Variants in BTBD3 observed in about 807,000 individuals in gnomAD.
BTBD3 encodes the protein BTB/POZ domain-containing protein 3.
A neutral mutation model predicts 41.6 loss-of-function variants in BTBD3; 14 were observed. That is an observed-to-expected ratio of 0.34 (90% CI 0.22 to 0.53). The LOEUF is 0.53. Among genes scored for constraint, BTBD3 ranks in the 20% least tolerant of loss-of-function variants. The probability of loss-of-function intolerance (pLI) is 0.95; values close to 1 mark genes in which losing one functional copy is unlikely to be tolerated. For synonymous variants in BTBD3, 249 were observed against 233.7 expected, an observed-to-expected ratio of 1.07 and a Z score of -0.60; for missense variants, 426 against 654.7, an observed-to-expected ratio of 0.65 and a Z score of 3.81.
upstream of BTBD3, among the ~76,000 whole-genome samples, chr20:11,914,230 A>C (rs2122268204): frequency 6.6e-6 from 1 of 152,326 alleles, no homozygotes; most frequent in South Asian, 2.1e-4. Flanking sequence ...CAGACTCAAC[A>C]GATGGAGTTT....
upstream of BTBD3, among the ~76,000 whole-genome samples, chr20:11,913,972 C>A (rs1013299632): frequency 1.3e-5 from 2 of 152,150 alleles, no homozygotes; most frequent in Non-Finnish European, 2.9e-5. Flanking sequence ...TCTTGCTCAC[C>A]GCCGTATGCC....
intron 1 of BTBD3, among the ~76,000 whole-genome samples, chr20:11,892,316 C>T (rs1489497732): frequency 1.3e-5 from 2 of 152,162 alleles, no homozygotes; most frequent in African/African-American, 2.4e-5. Flanking sequence ...TTAACCCTAC[C>T]TCAGTCCCCT....
chr20:11,893,086 G>C (rs2056766115), intron 1 of BTBD3, among the ~76,000 whole-genome samples: 1 of 151,284 alleles, frequency 6.6e-6, no homozygotes, highest in South Asian at 2.1e-4. Context: ...GCTCAAAACA[G>C]GTATGCTATA....
chr20:11,919,284 G>A, intron 2 of BTBD3, 108 bp downstream of exon 2: 2 of 1,354,450 alleles, frequency 1.5e-6, no homozygotes, highest in Non-Finnish European at 2.0e-6. Flanking sequence ...GGCAGTGCAT[G>A]TTTCACTCGA....
intron 1 of BTBD3, 132 bp from the exon 2 acceptor site, chr20:11,918,954 T>G: frequency 1.5e-6 from 1 of 655,672 alleles, no homozygotes; most frequent in Non-Finnish European, 2.6e-6. Flanking sequence ...GTTAGAACCT[T>G]TATTTGTTGT....
At chr20:11,899,107 T>G (rs2056808498) in intron 1 of BTBD3, among the ~76,000 whole-genome samples, 1 of 152,182 alleles carries the variant, frequency 6.6e-6, no homozygotes, top group Non-Finnish European at 1.5e-5. Context: ...TGATAACTAT[T>G]TGCTCTCCCC....
intron 1 of BTBD3, chr20:11,891,463 C>T (rs955870075): frequency 1.3e-5 from 2 of 151,892 alleles, no homozygotes; most frequent in African/African-American, 4.8e-5. Context: ...TTTCCTGAGG[C>T]GCTGCCGGCG....
chr20:11,916,035 G>GT (rs1009415653), upstream of BTBD3, among the ~76,000 whole-genome samples: 11 of 151,982 alleles, frequency 7.2e-5, no homozygotes, highest in African/African-American at 1.7e-4. Context: ...TGTGTTTTAT[G>GT]TTTTTTCTAT....
At position 11,899,232 on chromosome 20, in the gene BTBD3, T is replaced by C. The variant is rs183601186; in HGVS notation, c.-126+8278T>C. Reference sequence around the variant, plus strand: ...GTGATTTTGAAATCCTCAGAGCCACTTGGATGCACGTAATTGAACCTTTTA... The same window carrying C: ...GTGATTTTGAAATCCTCAGAGCCACCTGGATGCACGTAATTGAACCTTTTA... On this transcript the variant is annotated intron_variant, in intron 1 of 4. Coordinates refer to the BTBD3 transcript ENST00000254977. 3.9e-3 allele frequency among the ~76,000 whole-genome samples: 594 copies of C among 152,246 alleles called. 14 individuals carry two copies. Among genetic ancestry groups the C allele is most frequent in the South Asian group, 1.5e-3 (7 of 4,816 alleles).
intron 2 of BTBD3, 49 bp downstream of exon 2, chr20:11,919,225 G>A: frequency 6.5e-7 from 1 of 1,545,642 alleles, no homozygotes; most frequent in Non-Finnish European, 8.9e-7. Context: ...TACAAAGAGG[G>A]ACCCTTTCCA....
rs1397336229 is a variant in BTBD3, at chr20:11,923,858, T to G, written c.*192T>G. ...ATGCAGCATTCCGCTTTTAACTATCTGCTTAAAAGAGCTAACGTTCTTATT... is the reference window on the plus strand; with the variant it reads ...ATGCAGCATTCCGCTTTTAACTATCGGCTTAAAAGAGCTAACGTTCTTATT... On this transcript the variant is annotated 3_prime_UTR_variant, in exon 4 of 4. Coordinates refer to ENST00000378226, the MANE Select transcript of BTBD3 (RefSeq NM_014962.4). This position sits in a 1 kb window ranked among gnomAD's most constrained non-coding sequence, Gnocchi z 5.3. 5.1e-6 allele frequency: 3 copies of G among 582,596 alleles called. No individual in the cohort carries two copies. Among genetic ancestry groups the G allele is most frequent in the Admixed American group, 3.4e-5 (1 of 29,498 alleles). 36.1% of individuals were successfully genotyped at this position (582,596 alleles called of 1,614,324 possible). A position where few individuals can be genotyped will look rare whatever the true frequency, so the allele number is the denominator to read the frequency against.
chr20:11,920,883 A>G (rs2056965137), intron 3 of BTBD3, among the ~76,000 whole-genome samples: 1 of 152,226 alleles, frequency 6.6e-6, no homozygotes, highest in African/African-American at 2.4e-5. Flanking sequence ...AGTTAGTTCT[A>G]GAACTTAAAA....
intron 3 of BTBD3, among the ~76,000 whole-genome samples, chr20:11,922,079 TAAA>T (rs1310365437): frequency 6.6e-6 from 1 of 152,142 alleles, no homozygotes; most frequent in South Asian, 2.1e-4. Context: ...CAAAAACAAA[TAAA>T]AAGTCTGTTG....
chr20:11,912,511 G>T (rs1210005987), intron 1 of BTBD3, among the ~76,000 whole-genome samples: 4 of 152,204 alleles, frequency 2.6e-5, no homozygotes, highest in Non-Finnish European at 5.9e-5. Context: ...TGGCCCATAG[G>T]TGGGGCTAGA....
intron 3 of BTBD3, among the ~76,000 whole-genome samples, chr20:11,921,821 G>A (rs143460106): frequency 1.7e-4 from 26 of 152,278 alleles, no homozygotes; most frequent in African/African-American, 6.3e-4. Context: ...GTAGACCTTA[G>A]GTAGAAGAGA....
At chr20:11,895,260 A>G (rs2056779581) in intron 1 of BTBD3, among the ~76,000 whole-genome samples, 1 of 152,208 alleles carries the variant, frequency 6.6e-6, no homozygotes, top group Admixed American at 6.5e-5. Context: ...ATTTAGAAAT[A>G]CCTGGCAGAG....
rs772844774 is a variant in BTBD3, at chr20:11,923,013, A to G, written c.916A>G (p.Ile306Val). 3.7e-6 allele frequency: 6 copies of G among 1,614,204 alleles called. No individual in the cohort carries two copies. The highest frequency in any genetic ancestry group is 2.2e-5 in the East Asian group (1 of 44,892). Reference sequence around the variant, plus strand: ...CCAACGACAAGATCTGGCGTTGAGCATTGAAAATAAACGCAAGGTTCTAGG... The same window carrying G: ...CCAACGACAAGATCTGGCGTTGAGCGTTGAAAATAAACGCAAGGTTCTAGG... ...ECQRQDLALSIENKRKVLGKA... is the reference protein window; with the variant it reads ...ECQRQDLALSVENKRKVLGKA... Residue 306 changes from isoleucine (I) to valine (V), a missense_variant, in exon 4 of 4, where the codon ATT becomes GTT. Transcript: ENST00000378226. The surrounding 1 kb of genome is among the most constrained non-coding windows in gnomAD (Gnocchi z 5.3).
At chr20:11,904,923 A>G (rs544363763) in intron 1 of BTBD3, among the ~76,000 whole-genome samples, 4 of 152,326 alleles carry the variant, frequency 2.6e-5, no homozygotes, top group African/African-American at 9.6e-5. Flanking sequence ...TGGATCTTTT[A>G]CCAATGCATG....
intron 1 of BTBD3, among the ~76,000 whole-genome samples, chr20:11,896,472 G>A (rs1202128571): frequency 6.6e-6 from 1 of 152,136 alleles, no homozygotes; most frequent in Non-Finnish European, 1.5e-5. Flanking sequence ...GTGGCGGTTT[G>A]CACTAGATTT....
Sources: allele counts gnomAD v4.1 joint callset (sites outside exome capture counted in the v4.1 genomes callset), GRCh38; gene constraint gnomAD v4.1.1; non-coding constraint Gnocchi (gnomAD v3.1); transcripts MANE v1.5; gene names NCBI Gene and HGNC (gene_info 2026-07-23, HGNC 2026-07-21).